RNF44: variants seen among roughly 807,000 people sequenced by gnomAD.
RNF44 encodes the protein ring finger protein 44.
Under a neutral mutation model 53.6 loss-of-function variants are expected in RNF44, and 25 were observed. The observed-to-expected ratio is 0.47, with a 90% CI of 0.34 to 0.65. The LOEUF (loss-of-function observed/expected upper bound fraction) is 0.65, where lower values mean the gene tolerates loss of function less well. Among genes scored for constraint, RNF44 ranks in the 30% least tolerant of loss-of-function variants. The pLI, the probability that RNF44 is intolerant of heterozygous loss-of-function variation, is 0.01. For synonymous variants in RNF44, 282 were observed against 252.2 expected (o/e 1.12, Z -1.12); for missense variants, 581 against 595.5 (o/e 0.98, Z 0.25).
Position 176,528,757 on chromosome 5 carries a change from G to C in RNF44, c.*271C>G. Reference sequence around the variant, plus strand: ...CAGCAGGAAAAGGAGGGACCTGAGGGTGCACAGGAGGGAGACCCGATCAGG... The same window carrying C: ...CAGCAGGAAAAGGAGGGACCTGAGGCTGCACAGGAGGGAGACCCGATCAGG... On this transcript the variant is annotated 3_prime_UTR_variant, in exon 11 of 11. Transcript: ENST00000274811. 1 of 543,628 alleles carries C rather than the reference G, an allele frequency of 1.8e-6. No homozygotes were observed. The highest frequency in any genetic ancestry group is 3.1e-5 in the East Asian group (1 of 32,122). The allele number at this position is 543,628 out of a possible 1,614,324, so 33.7% of individuals were successfully genotyped here. A position where few individuals can be genotyped will look rare whatever the true frequency, so the allele number is the denominator to read the frequency against.
chr5:176,542,315 G>T (rs1356446325), upstream of RNF44, among the ~76,000 whole-genome samples: 1 of 152,060 alleles, frequency 6.6e-6, no homozygotes, highest in African/African-American at 2.4e-5. Flanking sequence ...GAGGCTGTTT[G>T]TCCAGGTGTG....
rs771310646 is a variant in RNF44, at chr5:176,532,181, C to G, written c.120G>C (p.Glu40Asp). The G allele has an allele frequency of 6.5e-7, 1 of 1,531,900 alleles. No individual in the cohort carries two copies. The highest frequency in any genetic ancestry group is 8.8e-7 in the Non-Finnish European group (1 of 1,142,090). The allele number at this position is 1,531,900 out of a possible 1,614,324, so 94.9% of individuals were successfully genotyped here. Reference protein sequence around the residue: ...PGQLWGSPGLEGPLASPPARD... With the variant: ...PGQLWGSPGLDGPLASPPARD... ...GGGCAGGCGGGCTGGCCAGGGGGCCCTCGAGGCCAGGGCTGCACCACAGAG... is the reference window on the plus strand; with the variant it reads ...GGGCAGGCGGGCTGGCCAGGGGGCCGTCGAGGCCAGGGCTGCACCACAGAG... Residue 40 changes from glutamate (E) to aspartate (D), a missense_variant, in exon 3 of 11, where the codon GAG becomes GAC. Physicochemically the swap from Glu to Asp is conservative, Grantham distance 45. This residue lies in a region of RNF44 where 387 missense variants were observed against 366.0 expected (regional missense o/e 1.06). Coordinates refer to ENST00000274811, the MANE Select transcript of RNF44 (RefSeq NM_014901.5).
Position 176,531,714 on chromosome 5 carries a change from C to A in RNF44, c.298-84G>T. On this transcript the variant is annotated intron_variant, in intron 3 of 10. Transcript: ENST00000274811. This position sits in a 1 kb window ranked among gnomAD's most constrained non-coding sequence, Gnocchi z 4.2. ...CTCAGGAGAAATCATCCTGCCACAT[C>A]CAGCTGCCGGCTCCCTTCCCTTCTC... 1 of 1,381,566 alleles carries A rather than the reference C, an allele frequency of 7.2e-7. No individual in the cohort carries two copies. Among genetic ancestry groups the A allele is most frequent in the Non-Finnish European group, 9.8e-7 (1 of 1,019,332 alleles). The allele number at this position is 1,381,566 out of a possible 1,614,324, so 85.6% of individuals were successfully genotyped here. A position where few individuals can be genotyped will look rare whatever the true frequency, so the allele number is the denominator to read the frequency against.
chr5:176,542,177 T>C (rs2113228644), upstream of RNF44, among the ~76,000 whole-genome samples: 1 of 152,160 alleles, frequency 6.6e-6, no homozygotes, highest in Non-Finnish European at 1.5e-5. Context: ...GTCTGTAAAA[T>C]CGGGTGATCG....
upstream of RNF44, among the ~76,000 whole-genome samples, chr5:176,540,436 A>G (rs1757421379): frequency 6.6e-6 from 1 of 152,178 alleles, no homozygotes; most frequent in Admixed American, 6.5e-5. Flanking sequence ...TGTCCTCAAT[A>G]TCCCCTACTT....
At chr5:176,529,489 T>C (rs1756354942) in intron 9 of RNF44, 34 bp downstream of exon 9, 8 of 1,612,844 alleles carry the variant, frequency 5.0e-6, no homozygotes, top group Non-Finnish European at 6.8e-6. Context: ...GCCAGCTGTG[T>C]TCAGAGGGGT....
Position 176,534,243 on chromosome 5 carries a change from A to T in RNF44, c.-44-1727T>A, listed in dbSNP as rs142132719. 2.1e-3 allele frequency among the ~76,000 whole-genome samples: 326 copies of T among 151,904 alleles called. 2 individuals carry two copies. Among genetic ancestry groups the T allele is most frequent in the African/African-American group, 7.6e-3 (317 of 41,542 alleles). ...GTCACCCAGTCTGGCAGCAATGCCA[A>T]CAACTGACAGTTGGGAGATTACAAA... On this transcript the variant is annotated intron_variant, in intron 1 of 10. Transcript: ENST00000274811.
upstream of RNF44, among the ~76,000 whole-genome samples, chr5:176,542,083 G>A (rs933687026): frequency 5.9e-5 from 9 of 152,308 alleles, no homozygotes; most frequent in East Asian, 1.7e-3. Flanking sequence ...GGTGCTCCCC[G>A]TCTGGGGCTC....
chr5:176,536,695 G>C (rs908305994), intron 1 of RNF44, among the ~76,000 whole-genome samples: 1 of 152,132 alleles, frequency 6.6e-6, no homozygotes, highest in African/African-American at 2.4e-5. Context: ...GCGGCCGCAG[G>C]GGGAGGGGGG....
chr5:176,542,268 G>A (rs1248909049), upstream of RNF44, among the ~76,000 whole-genome samples: 1 of 152,176 alleles, frequency 6.6e-6, no homozygotes, highest in South Asian at 2.1e-4. Context: ...CCTGCCTCTG[G>A]TTAGCCTGTG....
At chr5:176,533,850 G>C (rs2963292) in intron 1 of RNF44, among the ~76,000 whole-genome samples, 23 of 152,270 alleles carry the variant, frequency 1.5e-4, no homozygotes, top group African/African-American at 5.5e-4. Context: ...TGAAGGATGC[G>C]TCCAACAGGA....
At chr5:176,530,782 G>C in intron 5 of RNF44, 39 bp from the exon 6 acceptor site, 1 of 1,493,518 alleles carries the variant, frequency 6.7e-7, no homozygotes, top group Non-Finnish European at 8.9e-7. Context: ...TCAGTGAGAC[G>C]AGGCTGTCCT....
At chr5:176,543,372 C>T in the RNF44 span, among the ~76,000 whole-genome samples, 1 of 149,654 alleles carries the variant, frequency 6.7e-6, no homozygotes, top group Non-Finnish European at 1.5e-5. The surrounding 1 kb of genome is among the most constrained non-coding windows in gnomAD (Gnocchi z 4.0). Flanking sequence ...CGGCCCCTCT[C>T]CGGCCCGGTG....
At chr5:176,542,294 G>A (rs1216586516), upstream of RNF44, among the ~76,000 whole-genome samples, 1 of 152,112 alleles carries the variant, frequency 6.6e-6, no homozygotes, top group Non-Finnish European at 1.5e-5. Flanking sequence ...GGGGAAGTCA[G>A]TAAGGTCTGT....
In RNF44 at chr5:176,531,474, G is replaced by A; in HGVS notation, c.454C>T (p.Leu152Phe). Residue 152 changes from leucine to phenylalanine, a missense_variant, in exon 4 of 11, where the codon CTC (leucine) becomes TTC (phenylalanine). Transcript: ENST00000274811. The surrounding 1 kb of genome is among the most constrained non-coding windows in gnomAD (Gnocchi z 4.2). Reference sequence around the variant, plus strand: ...AAACACTCACTCACCGGGGGCGGGAGGCAGCAGAGGGGGTAATGCTGCCCA... The same window carrying A: ...AAACACTCACTCACCGGGGGCGGGAAGCAGCAGAGGGGGTAATGCTGCCCA... ...FSGQHYPLCC[L>F]PPPLIQACTM... is the part of the protein sequence containing the mutation. 1 of 1,563,256 alleles carries A rather than the reference G, an allele frequency of 6.4e-7. No homozygotes were observed. Among genetic ancestry groups the A allele is most frequent in the Non-Finnish European group, 8.7e-7 (1 of 1,154,686 alleles).
chr5:176,531,389 C>G lies in RNF44; in HGVS notation c.465+74G>C, dbSNP rs1402787007. Reference sequence around the variant, plus strand: ...TAGCTCAGCCCAGTTCAGGGCTGCCCTGGGCCCGCTGAGCCGCTGGCCTGT... The same window carrying G: ...TAGCTCAGCCCAGTTCAGGGCTGCCGTGGGCCCGCTGAGCCGCTGGCCTGT... On this transcript the variant is annotated intron_variant, in intron 4 of 10. Coordinates refer to ENST00000274811, the MANE Select transcript of RNF44 (RefSeq NM_014901.5). This position sits in a 1 kb window ranked among gnomAD's most constrained non-coding sequence, Gnocchi z 4.2. 5 of 1,454,024 alleles carry G rather than the reference C, an allele frequency of 3.4e-6. No homozygotes were observed. Among genetic ancestry groups the G allele is most frequent in the Non-Finnish European group, 4.6e-6 (5 of 1,083,370 alleles). 90.1% of individuals were successfully genotyped at this position (1,454,024 alleles called of 1,614,324 possible). A position where few individuals can be genotyped will look rare whatever the true frequency, so the allele number is the denominator to read the frequency against.
Position 176,531,693 on chromosome 5 carries a change from G to C in RNF44, c.298-63C>G. On this transcript the variant is annotated intron_variant, in intron 3 of 10. Coordinates refer to ENST00000274811, the MANE Select transcript of RNF44 (RefSeq NM_014901.5). The surrounding 1 kb of genome is among the most constrained non-coding windows in gnomAD (Gnocchi z 4.2). The stretch of plus-strand genomic sequence containing the variant: ...AAGCTGACCGCGAGGGCTACTCTCA[G>C]GAGAAATCATCCTGCCACATCCAGC... 6.7e-7 allele frequency: 1 copy of C among 1,491,298 alleles called. No homozygotes were observed. The highest frequency in any genetic ancestry group is 9.1e-7 in the Non-Finnish European group (1 of 1,103,244). The allele number at this position is 1,491,298 out of a possible 1,614,324, so 92.4% of individuals were successfully genotyped here. A position where few individuals can be genotyped will look rare whatever the true frequency, so the allele number is the denominator to read the frequency against.
upstream of RNF44, among the ~76,000 whole-genome samples, chr5:176,541,580 G>A (rs937047675): frequency 2.6e-5 from 4 of 152,010 alleles, no homozygotes; most frequent in Non-Finnish European, 5.9e-5. Context: ...CCACATTCCG[G>A]CTTCCTCCCC....
At chr5:176,541,602 T>C (rs1757448688), upstream of RNF44, among the ~76,000 whole-genome samples, 1 of 152,042 alleles carries the variant, frequency 6.6e-6, no homozygotes, top group South Asian at 2.1e-4. Flanking sequence ...AGGCCTCCTC[T>C]GCAGTGGGGA....
Sources: gnomAD v4.1 joint callset for allele counts (sites outside exome capture counted in the v4.1 genomes callset) on GRCh38, gnomAD v4.1.1 for gene constraint, gnomAD v4.1.1 regional missense constraint, Gnocchi (gnomAD v3.1) non-coding constraint, MANE v1.5 for transcripts, NCBI Gene and HGNC (gene_info 2026-07-23, HGNC 2026-07-21) for gene names.